Variants in NUP88 observed in about 807,000 individuals in gnomAD.
NUP88 encodes nucleoporin 88.
NUP88 carries 57 observed loss-of-function variants against 93.9 expected under a neutral mutation model. That is an observed-to-expected ratio of 0.61 (90% CI 0.49 to 0.76). The LOEUF (loss-of-function observed/expected upper bound fraction) is 0.76. Ranked by LOEUF, NUP88 falls within the 30% of genes least tolerant of loss-of-function variation. The pLI is 0.00. For synonymous variants in NUP88, 346 were observed against 336.8 expected, an observed-to-expected ratio of 1.03 and a Z score of -0.30; for missense variants, 911 against 901.0, an observed-to-expected ratio of 1.01 and a Z score of -0.14.
At chr17:5,397,585 G>A (rs1912856005) in intron 8 of NUP88, among the ~76,000 whole-genome samples, 1 of 152,180 alleles carries the variant, frequency 6.6e-6, no homozygotes, top group South Asian at 2.1e-4. Flanking sequence ...AAACTGCTGT[G>A]CCAACTTAAG....
In NUP88 at chr17:5,404,115, T is replaced by C. The variant is rs747248536; in HGVS notation, c.1176A>G (p.Pro392=). The C allele has an allele frequency of 1.9e-6, 3 of 1,614,128 alleles. No individual in the cohort carries two copies. The highest frequency in any genetic ancestry group is 2.2e-5 in the East Asian group (1 of 44,882). Residue 392 remains proline, a synonymous_variant, in exon 7 of 17, where the codon CCA becomes CCG. Transcript: ENST00000573584. The part of the protein sequence containing the change: ...DDPFDSDFSC[P]VKLHRDPKCP... ...AGAGCTTACCTCTATGAAGTTTGAC[T>C]GGACAAGAAAAGTCAGAATCAAAAG...
chr17:5,408,395 A>G (rs566827464), intron 5 of NUP88, among the ~76,000 whole-genome samples: 57 of 152,284 alleles, frequency 3.7e-4, no homozygotes, highest in African/African-American at 1.2e-3. Context: ...TCTCCCCACA[A>G]CTGGGACATA....
At chr17:5,389,100 C>CCA (rs1912246454) in intron 10 of NUP88, 140 bp from the exon 11 acceptor site, 1 of 629,748 alleles carries the variant, frequency 1.6e-6, no homozygotes, top group Non-Finnish European at 2.5e-6. Flanking sequence ...TGCATGTTTT[C>CCA]CACCTTGAAA....
intron 9 of NUP88, among the ~76,000 whole-genome samples, chr17:5,394,275 AG>A (rs1912632370): frequency 6.6e-6 from 1 of 152,188 alleles, no homozygotes; most frequent in Admixed American, 6.5e-5. Flanking sequence ...ATAAGCAGTG[AG>A]TAGAGGCAGA....
At chr17:5,392,102 T>C (rs1912479065) in intron 9 of NUP88, among the ~76,000 whole-genome samples, 1 of 152,204 alleles carries the variant, frequency 6.6e-6, no homozygotes, top group Admixed American at 6.5e-5. Flanking sequence ...TCTCTCTCAG[T>C]CTTCCTTCCC....
intron 9 of NUP88, among the ~76,000 whole-genome samples, chr17:5,393,729 C>T (rs1376716488): frequency 6.6e-6 from 1 of 152,168 alleles, no homozygotes; most frequent in Non-Finnish European, 1.5e-5. Flanking sequence ...AGCCACAGTG[C>T]CTGGTTTCAC....
At chr17:5,386,863 T>C in intron 15 of NUP88, 37 bp from the exon 16 acceptor site, 3 of 1,584,934 alleles carry the variant, frequency 1.9e-6, no homozygotes, top group Non-Finnish European at 1.7e-6. Context: ...TGGCAGTGGT[T>C]TGCCACACAT....
chr17:5,396,072 G>C (rs544164411), intron 8 of NUP88, among the ~76,000 whole-genome samples: 1 of 152,068 alleles, frequency 6.6e-6, no homozygotes, highest in Non-Finnish European at 1.5e-5. Context: ...TTAGCTGGAC[G>C]TGGTGGTGGG....
intron 10 of NUP88, among the ~76,000 whole-genome samples, chr17:5,390,181 A>AAAT (rs1555528177): frequency 0.2 from 29,150 of 147,576 alleles, 3,118 homozygotes; most frequent in African/African-American, 0.24. Flanking sequence ...AAAAAAAAAA[A>AAAT]TATCCAGACA....
intron 1 of NUP88, among the ~76,000 whole-genome samples, chr17:5,417,165 A>G (rs1001118386): frequency 6.6e-6 from 1 of 152,224 alleles, no homozygotes; most frequent in African/African-American, 2.4e-5. Flanking sequence ...ATCCAAAGTT[A>G]CAACTCATGA....
chr17:5,408,968 AAAAC>A, intron 4 of NUP88, 59 bp from the exon 5 acceptor site: 2 of 1,380,984 alleles, frequency 1.4e-6, no homozygotes, highest in Non-Finnish European at 1.9e-6. Flanking sequence ...AGTAAAAAGA[AAAAC>A]AAAACAAAAC....
intron 16 of NUP88, 28 bp downstream of exon 16, chr17:5,386,680 T>C: frequency 7.2e-7 from 1 of 1,391,416 alleles, no homozygotes; most frequent in South Asian, 1.2e-5. Flanking sequence ...TATCTCACGA[T>C]AATAGCTGAT....
At chr17:5,396,598 T>C (rs200271127) in intron 8 of NUP88, among the ~76,000 whole-genome samples, 1 of 152,234 alleles carries the variant, frequency 6.6e-6, no homozygotes, top group Non-Finnish European at 1.5e-5. Context: ...TGAACACTCA[T>C]GTACCAGTAT....
rs757654916 is a variant in NUP88 at position 5,387,009 on chromosome 17, C to A, written c.2018G>T (p.Arg673Leu). ...CTGTTTGATGGCATTGCCCAAATGT[C>A]GAAGTTGATCAGGTATCAGCTGTAA... is the stretch of plus-strand genomic sequence containing the variant. ...KELQLIPDQL[R>L]HLGNAIKQVT... is the part of the protein sequence containing the mutation. The change falls in exon 15 of 17, where the codon CGA (arginine) becomes CTA (leucine). Residue 673 changes from arginine (R) to leucine (L), a missense_variant. Arg to Leu is a moderately radical substitution (Grantham distance 102, BLOSUM62 -2). Coordinates refer to ENST00000573584, the MANE Select transcript of NUP88 (RefSeq NM_002532.6). The A allele has an allele frequency of 5.0e-6, 8 of 1,613,920 alleles. No homozygotes were observed. The Admixed American group carries it at 1.0e-4, about 20-fold the overall frequency.
rs1231735448 is a variant in NUP88, at chr17:5,385,413, C to G, written c.*793G>C. The G allele has an allele frequency of 4.4e-6, 1 of 229,210 alleles. No homozygotes were observed. Among genetic ancestry groups the G allele is most frequent in the African/African-American group, 2.2e-5 (1 of 44,758 alleles). The allele number at this position is 229,210 out of a possible 1,614,324, so 14.2% of individuals were successfully genotyped here. On this transcript the variant is annotated 3_prime_UTR_variant, in exon 17 of 17. Coordinates refer to ENST00000573584, the MANE Select transcript of NUP88 (RefSeq NM_002532.6). Reference sequence around the variant, plus strand: ...AACCTGATTTACCTCTTACCTGTAACCTACCTTATCATGTGGCTTTTAATT... The same window carrying G: ...AACCTGATTTACCTCTTACCTGTAAGCTACCTTATCATGTGGCTTTTAATT...
intron 2 of NUP88, among the ~76,000 whole-genome samples, chr17:5,415,840 GAAAAAGAAATTATAT>G (rs1048927331): frequency 6.6e-6 from 1 of 151,904 alleles, no homozygotes. Flanking sequence ...TGGATTTGTT[GAAAAAGAAATTATAT>G]AAAAATAGGC....
chr17:5,418,335 C>G (rs1181087534), intron 1 of NUP88: 1 of 152,100 alleles, frequency 6.6e-6, no homozygotes, highest in African/African-American at 2.4e-5. Context: ...CTCACTGCAA[C>G]CTCCTCCTCC....
Position 5,404,080 on chromosome 17 carries a change from C to T in NUP88, c.1192+19G>A, listed in dbSNP as rs1421186625. On this transcript the variant is annotated intron_variant, in intron 7 of 16. Transcript: ENST00000573584. ...TAAAAATCATGGGAAAAAAGCACTA[C>T]ATTTATTGAAGAGCTTACCTCTATG... 1.9e-6 allele frequency: 3 copies of T among 1,611,438 alleles called. No homozygotes were observed. The highest frequency in any genetic ancestry group is 2.5e-6 in the Non-Finnish European group (3 of 1,178,090).
chr17:5,405,277 T>A (rs758982706), intron 5 of NUP88, 34 bp from the exon 6 acceptor site: 1 of 1,580,016 alleles, frequency 6.3e-7, no homozygotes, highest in Admixed American at 1.7e-5. Context: ...TTGGGAAATG[T>A]TGACAGTATG....
Sources: allele counts gnomAD v4.1 joint callset (sites outside exome capture counted in the v4.1 genomes callset), GRCh38; gene constraint gnomAD v4.1.1; transcripts MANE v1.5; gene names NCBI Gene and HGNC (gene_info 2026-07-23, HGNC 2026-07-21).